Variants in CDH18 observed in about 807,000 individuals in gnomAD.
The protein encoded by CDH18 is cadherin 18, also known as cadherin-18.
CDH18 carries 31 observed loss-of-function variants against 67.9 expected under a neutral mutation model. The ratio of observed to expected loss-of-function variants is 0.46; its 90% CI spans 0.34 to 0.62. The LOEUF (loss-of-function observed/expected upper bound fraction) is 0.62, where lower values mean the gene tolerates loss of function less well. Among genes scored for constraint, CDH18 ranks in the 20% least tolerant of loss-of-function variants. CDH18 has a pLI of 0.01. For missense variants in CDH18, 890 were observed against 975.5 expected (o/e 0.91, Z 1.17); for synonymous variants, 362 against 347.2 (o/e 1.04, Z -0.48).
chr5:20,525,014 T>C (rs1042919743), intron 1 of CDH18, among the ~76,000 whole-genome samples: 1 of 152,136 alleles, frequency 6.6e-6, no homozygotes, highest in Non-Finnish European at 1.5e-5. Context: ...ATTAAAGACT[T>C]TTTGAGGGCT....
chr5:20,497,050 C>T (rs1753952664), intron 1 of CDH18, among the ~76,000 whole-genome samples: 2 of 151,772 alleles, frequency 1.3e-5, no homozygotes, highest in South Asian at 4.2e-4. Context: ...GAAAGGAAAC[C>T]ATTTAGAAAT....
intron 2 of CDH18, among the ~76,000 whole-genome samples, chr5:20,030,426 C>T (rs962692637): frequency 2.0e-5 from 3 of 152,102 alleles, no homozygotes; most frequent in African/African-American, 7.2e-5. Context: ...TCTGATTGGT[C>T]AACAAATCTT....
intron 2 of CDH18, among the ~76,000 whole-genome samples, chr5:20,131,115 A>C (rs991101106): frequency 6.6e-6 from 1 of 152,042 alleles, no homozygotes; most frequent in African/African-American, 2.4e-5. Flanking sequence ...CCATTGCCTA[A>C]TCCCTTCTTC....
chr5:20,545,811 C>A (rs926554165), intron 1 of CDH18, among the ~76,000 whole-genome samples: 6 of 152,208 alleles, frequency 3.9e-5, no homozygotes, highest in African/African-American at 1.4e-4. Flanking sequence ...AAGCAAATTT[C>A]TGGGGCTGGC....
chr5:20,303,414 T>C (rs537207602), intron 1 of CDH18, among the ~76,000 whole-genome samples: 1 of 152,326 alleles, frequency 6.6e-6, no homozygotes, highest in East Asian at 1.9e-4. Flanking sequence ...GCTGTTCGTT[T>C]CTTTTTAGAA....
intron 1 of CDH18, among the ~76,000 whole-genome samples, chr5:20,347,545 T>C (rs931807640): frequency 6.6e-6 from 1 of 152,234 alleles, no homozygotes; most frequent in African/African-American, 2.4e-5. Context: ...AAACTGCCTA[T>C]GCAGCTAAAG....
At chr5:20,411,268 T>G (rs2150143706) in intron 1 of CDH18, among the ~76,000 whole-genome samples, 1 of 151,956 alleles carries the variant, frequency 6.6e-6, no homozygotes, top group South Asian at 2.1e-4. Flanking sequence ...TATAGACCAA[T>G]AAAACATGAT....
chr5:20,146,680 C>T (rs546580973), intron 2 of CDH18, among the ~76,000 whole-genome samples: 1 of 149,620 alleles, frequency 6.7e-6, no homozygotes, highest in South Asian at 2.1e-4. Context: ...ACTTTTACCA[C>T]AAACAAAAAT....
At chr5:19,584,574 AT>A (rs1171902733) in intron 7 of CDH18, among the ~76,000 whole-genome samples, 2 of 152,068 alleles carry the variant, frequency 1.3e-5, no homozygotes, top group African/African-American at 4.8e-5. Context: ...GAGATTGATA[AT>A]CCTAATCAGA....
intron 8 of CDH18, among the ~76,000 whole-genome samples, chr5:19,567,529 T>C (rs1206253237): frequency 6.6e-6 from 1 of 152,178 alleles, no homozygotes; most frequent in Non-Finnish European, 1.5e-5. Flanking sequence ...TACAAACATT[T>C]GGTCCCTGAG....
chr5:19,987,864 C>T (rs1799726002), intron 1 of CDH18, among the ~76,000 whole-genome samples: 1 of 152,102 alleles, frequency 6.6e-6, no homozygotes, highest in Non-Finnish European at 1.5e-5. Flanking sequence ...ATTCGATAGG[C>T]TCTATGGCAG....
intron 1 of CDH18, among the ~76,000 whole-genome samples, chr5:20,427,704 T>A (rs1321068339): frequency 6.6e-6 from 1 of 151,160 alleles, no homozygotes; most frequent in Non-Finnish European, 1.5e-5. Context: ...GCATTTCTAC[T>A]TATTCTTTCC....
rs1454936341 is a variant in CDH18, at chr5:20,496,918, T to TA, written c.-580+78543dup. On this transcript the variant is annotated intron_variant, in intron 1 of 14. Transcript: ENST00000507958. ...TTGACAAATTTTACAAAAATAAAAA[T>TA]AAAAAAATAAAAGAGAAAAGGCATG... is the stretch of plus-strand genomic sequence containing the variant. Among the ~76,000 whole-genome samples the TA allele has an allele frequency of 2.3e-4, 35 of 151,742 alleles. No homozygotes were observed. In the South Asian group the frequency reaches 3.1e-3, roughly 14 times the overall value.
chr5:20,133,650 A>G (rs574958293), intron 2 of CDH18, among the ~76,000 whole-genome samples: 5 of 152,120 alleles, frequency 3.3e-5, no homozygotes, highest in South Asian at 2.1e-4. Context: ...GTTTGCTGCA[A>G]TTCTTACCCG....
chr5:19,698,606 G>C lies in CDH18; in HGVS notation c.643+22741C>G, dbSNP rs1487905380. The stretch of plus-strand genomic sequence containing the variant: ...TAAGTAGATAGAATGTTGTAAAATA[G>C]GAATCAATGTAATAAAAAATATAAA... On this transcript the variant is annotated intron_variant, in intron 5 of 12. Transcript: ENST00000382275. Among the ~76,000 whole-genome samples the C allele has an allele frequency of 2.0e-5, 3 of 151,732 alleles. No homozygotes were observed. The East Asian group carries it at 5.8e-4, about 29-fold the overall frequency.
intron 8 of CDH18, among the ~76,000 whole-genome samples, chr5:19,546,756 T>C (rs764847547): frequency 3.9e-5 from 6 of 152,036 alleles, no homozygotes; most frequent in Non-Finnish European, 7.4e-5. Context: ...GCAGAAGATA[T>C]TAATAGCAGC....
chr5:19,558,081 A>AATT (rs1364606041), intron 8 of CDH18, among the ~76,000 whole-genome samples: 2 of 152,116 alleles, frequency 1.3e-5, no homozygotes, highest in Admixed American at 1.3e-4. Context: ...GAAATTAAAA[A>AATT]ATTTTTTGAA....
intron 3 of CDH18, among the ~76,000 whole-genome samples, chr5:19,825,622 C>T (rs1780329061): frequency 6.6e-6 from 1 of 151,854 alleles, no homozygotes; most frequent in Non-Finnish European, 1.5e-5. Flanking sequence ...GAAAGGAGTA[C>T]ATTCAAGATC....
intron 2 of CDH18, among the ~76,000 whole-genome samples, chr5:19,952,021 T>C (rs1795841830): frequency 6.6e-6 from 1 of 152,104 alleles, no homozygotes; most frequent in African/African-American, 2.4e-5. Flanking sequence ...TATGTAATTA[T>C]CCTAATTATA....
Sources: gnomAD v4.1 joint callset for allele counts (sites outside exome capture counted in the v4.1 genomes callset) on GRCh38, gnomAD v4.1.1 for gene constraint, MANE v1.5 for transcripts, NCBI Gene and HGNC (gene_info 2026-07-23, HGNC 2026-07-21) for gene names.